The following KCNQ5 variants were observed in gnomAD, a reference collection of about 807,000 sequenced individuals.
The protein encoded by KCNQ5 is potassium voltage-gated channel subfamily Q member 5.
KCNQ5 carries 30 observed loss-of-function variants against 98.2 expected under a neutral mutation model. The ratio of observed to expected loss-of-function variants is 0.31; its 90% CI spans 0.23 to 0.41. KCNQ5 has a LOEUF of 0.41. Ranked by LOEUF, KCNQ5 falls within the 10% of genes least tolerant of loss-of-function variation. The pLI is 1.00. For synonymous variants in KCNQ5, 458 were observed against 449.4 expected, an observed-to-expected ratio of 1.02 and a Z score of -0.24; for missense variants, 835 against 1,182.5, an observed-to-expected ratio of 0.71 and a Z score of 4.31.
rs1397802413 is a variant in KCNQ5 at position 73,004,071 on chromosome 6, T to G, written c.489+73T>G. On this transcript the variant is annotated intron_variant, in intron 2 of 13. Transcript: ENST00000370398. Reference sequence around the variant, plus strand: ...GCCTATAACATTTATACTATGCATCTTATCCTACAAAAAAATCCTATCTAA... The same window carrying G: ...GCCTATAACATTTATACTATGCATCGTATCCTACAAAAAAATCCTATCTAA... 3 of 782,056 alleles carry G rather than the reference T, an allele frequency of 3.8e-6. No individual in the cohort carries two copies. In the African/African-American group the frequency reaches 5.2e-5, roughly 14 times the overall value. The allele number at this position is 782,056 out of a possible 1,614,324, so 48.4% of individuals were successfully genotyped here.
chr6:72,651,019 T>G (rs1765849754), intron 1 of KCNQ5, among the ~76,000 whole-genome samples: 2 of 152,030 alleles, frequency 1.3e-5, no homozygotes, highest in Non-Finnish European at 2.9e-5. Flanking sequence ...CAGGAGATAA[T>G]ATTTTGTAAA....
At chr6:72,987,232 A>C in intron 1 of KCNQ5, 2 of 687,434 alleles carry the variant, frequency 2.9e-6, no homozygotes, top group Non-Finnish European at 2.8e-6. Context: ...AACAAGAGGA[A>C]AGAGAGTGGG....
chr6:73,086,973 C>T (rs1035448619), intron 5 of KCNQ5, among the ~76,000 whole-genome samples: 1 of 152,066 alleles, frequency 6.6e-6, no homozygotes, highest in Non-Finnish European at 1.5e-5. Context: ...GTTTGAAGAG[C>T]CAAAAGGCCA....
At chr6:72,916,062 A>C (rs1345729214) in intron 1 of KCNQ5, among the ~76,000 whole-genome samples, 1 of 152,146 alleles carries the variant, frequency 6.6e-6, no homozygotes, top group African/African-American at 2.4e-5. Flanking sequence ...AATCTTGGGG[A>C]ATTGAGATAT....
intron 7 of KCNQ5, among the ~76,000 whole-genome samples, chr6:73,114,717 C>T (rs950038920): frequency 1.3e-5 from 2 of 152,136 alleles, no homozygotes; most frequent in African/African-American, 4.8e-5. Flanking sequence ...AATCTGAATC[C>T]ATTACCCCTT....
At chr6:73,136,794 T>C (rs1334982306) in intron 10 of KCNQ5, 1 of 152,196 alleles carries the variant, frequency 6.6e-6, no homozygotes, top group Non-Finnish European at 1.5e-5. Flanking sequence ...GTTATACATC[T>C]TTACTTATAG....
chr6:72,647,422 G>T (rs1294145859), intron 1 of KCNQ5, among the ~76,000 whole-genome samples: 3 of 150,904 alleles, frequency 2.0e-5, no homozygotes, highest in Middle Eastern at 3.4e-3. Context: ...GAGACAGAAG[G>T]CTGTACAACA....
chr6:73,161,123 A>G (rs193284892), intron 10 of KCNQ5, among the ~76,000 whole-genome samples: 4 of 152,370 alleles, frequency 2.6e-5, no homozygotes, highest in Non-Finnish European at 5.9e-5. Flanking sequence ...AATATTATTC[A>G]TCCATTAAAA....
intron 1 of KCNQ5, among the ~76,000 whole-genome samples, chr6:73,002,477 A>T (rs1469734604): frequency 6.6e-6 from 1 of 152,244 alleles, no homozygotes; most frequent in Non-Finnish European, 1.5e-5. Flanking sequence ...GGGATAACAT[A>T]GAGATAATTG....
intron 1 of KCNQ5, among the ~76,000 whole-genome samples, chr6:72,789,896 A>G (rs780707968): frequency 2.6e-5 from 4 of 152,048 alleles, no homozygotes; most frequent in Non-Finnish European, 5.9e-5. Flanking sequence ...GACCTCTTGG[A>G]TAGGAGTGGT....
At chr6:72,754,834 C>T (rs181501468) in intron 1 of KCNQ5, among the ~76,000 whole-genome samples, 203 of 151,980 alleles carry the variant, frequency 1.3e-3, no homozygotes, top group Non-Finnish European at 2.3e-3. Flanking sequence ...CAGTGTTGTT[C>T]AAATTTTGTA....
At position 73,198,504 on chromosome 6, in the gene KCNQ5, A is replaced by G. The variant is rs1251255434; in HGVS notation, c.*3090A>G. On this transcript the variant is annotated 3_prime_UTR_variant, in exon 14 of 14. Coordinates refer to ENST00000370398, the MANE Select transcript of KCNQ5 (RefSeq NM_019842.4). ...TGACCAATTCTCATGCCATTTGCAA[A>G]GCAAAACTGTAAGGATGATGAAACC... 6.6e-6 allele frequency: 1 copy of G among 152,242 alleles called. No homozygotes were observed. The highest frequency in any genetic ancestry group is 1.5e-5 in the Non-Finnish European group (1 of 68,038). The allele number at this position is 152,242 out of a possible 1,614,324, so 9.4% of individuals were successfully genotyped here. A position where few individuals can be genotyped will look rare whatever the true frequency, so the allele number is the denominator to read the frequency against.
At chr6:72,859,399 A>G (rs1363586255) in intron 1 of KCNQ5, among the ~76,000 whole-genome samples, 1 of 150,008 alleles carries the variant, frequency 6.7e-6, no homozygotes, top group East Asian at 1.9e-4. Flanking sequence ...TTGACAAATA[A>G]TGTACCCTTG....
At chr6:73,150,865 T>C (rs1206452256) in intron 10 of KCNQ5, among the ~76,000 whole-genome samples, 1 of 150,746 alleles carries the variant, frequency 6.6e-6, no homozygotes, top group Non-Finnish European at 1.5e-5. Flanking sequence ...TCCATTTATG[T>C]AACATTCTTG....
chr6:72,864,063 C>T (rs924564233), intron 1 of KCNQ5, among the ~76,000 whole-genome samples: 2 of 152,166 alleles, frequency 1.3e-5, no homozygotes, highest in Non-Finnish European at 2.9e-5. Flanking sequence ...AATATTGAAA[C>T]TGTCTGAGTC....
intron 12 of KCNQ5, among the ~76,000 whole-genome samples, chr6:73,192,110 G>C (rs1045503068): frequency 1.8e-4 from 27 of 152,168 alleles, no homozygotes; most frequent in African/African-American, 6.0e-4. Flanking sequence ...TGGGTTTCTA[G>C]CTCATGTATC....
chr6:73,191,087 A>G (rs1048718102), intron 12 of KCNQ5, among the ~76,000 whole-genome samples: 1 of 152,216 alleles, frequency 6.6e-6, no homozygotes, highest in Non-Finnish European at 1.5e-5. Context: ...AATTATCTAA[A>G]TTCCATTTAT....
At chr6:72,875,394 T>C (rs1303935269) in intron 1 of KCNQ5, among the ~76,000 whole-genome samples, 2 of 152,210 alleles carry the variant, frequency 1.3e-5, no homozygotes, top group Non-Finnish European at 2.9e-5. Context: ...CTTTTCTCCA[T>C]GTTGGAGTTT....
chr6:72,771,845 G>C (rs1288503247), intron 1 of KCNQ5, among the ~76,000 whole-genome samples: 1 of 151,988 alleles, frequency 6.6e-6, no homozygotes, highest in Admixed American at 6.6e-5. Context: ...GAAAAGCTAG[G>C]GAGATAGATA....
Sources: gnomAD v4.1 joint callset for allele counts (sites outside exome capture counted in the v4.1 genomes callset) on GRCh38, gnomAD v4.1.1 for gene constraint, MANE v1.5 for transcripts, NCBI Gene and HGNC (gene_info 2026-07-23, HGNC 2026-07-21) for gene names.